Variants in ATP6V1E2 observed in about 807,000 individuals in gnomAD.
ATP6V1E2 encodes the protein V-type proton ATPase subunit E 2.
For missense variants in ATP6V1E2, 308 were observed against 273.3 expected, an observed-to-expected ratio of 1.13 and a Z score of -0.90; for synonymous variants, 121 against 104.2, an observed-to-expected ratio of 1.16 and a Z score of -0.98.
rs1368291765 is a variant in ATP6V1E2, at chr2:46,512,767, G to T, written c.-56C>A. On this transcript the variant is annotated 5_prime_UTR_variant, in exon 5 of 5. Transcript: ENST00000522587. ...AGCTCGTACACCGTTTGGCTCCTTTGACTTAGGACAATTTCAGGAGTGTCT... is the reference window on the plus strand; with the variant it reads ...AGCTCGTACACCGTTTGGCTCCTTTTACTTAGGACAATTTCAGGAGTGTCT... The T allele has an allele frequency of 6.8e-7, 1 of 1,461,602 alleles. No homozygotes were observed. Among genetic ancestry groups the T allele is most frequent in the South Asian group, 1.3e-5 (1 of 75,544 alleles). The allele number at this position is 1,461,602 out of a possible 1,614,324, so 90.5% of individuals were successfully genotyped here. A position where few individuals can be genotyped will look rare whatever the true frequency, so the allele number is the denominator to read the frequency against.
At chr2:46,536,550 G>C (rs1000773624) in intron 3 of ATP6V1E2, 61 bp downstream of exon 3, 2 of 152,338 alleles carry the variant, frequency 1.3e-5, no homozygotes, top group Non-Finnish European at 2.9e-5. Context: ...GTGGGAAGAA[G>C]CATAACATAA....
At position 46,535,006 on chromosome 2, in the gene ATP6V1E2, G is replaced by C. The variant is rs1019611937; in HGVS notation, c.-102+807C>G. The C allele has an allele frequency of 6.6e-6, 1 of 152,138 alleles. No homozygotes were observed. The highest frequency in any genetic ancestry group is 1.5e-5 in the Non-Finnish European group (1 of 68,046). The allele number at this position is 152,138 out of a possible 1,614,324, so 9.4% of individuals were successfully genotyped here. A position where few individuals can be genotyped will look rare whatever the true frequency, so the allele number is the denominator to read the frequency against. ...TTTGCTGTTATATTCTCTCCTTTCT[G>C]ATACTCTGCCTTGAAAAGTCTGCTC... On this transcript the variant is annotated intron_variant, in intron 4 of 4. Transcript: ENST00000522587. The surrounding 1 kb of genome is among the most constrained non-coding windows in gnomAD (Gnocchi z 4.4).
At chr2:46,536,921 T>G in intron 2 of ATP6V1E2, among the ~76,000 whole-genome samples, 1 of 152,156 alleles carries the variant, frequency 6.6e-6, no homozygotes, top group Non-Finnish European at 1.5e-5. Context: ...TAGCTGGGAT[T>G]ACAGGCACCC....
At chr2:46,532,486 T>A (rs748823618) in intron 4 of ATP6V1E2, among the ~76,000 whole-genome samples, 1 of 152,214 alleles carries the variant, frequency 6.6e-6, no homozygotes, top group Non-Finnish European at 1.5e-5. Context: ...ACCTTTGTTA[T>A]AGTTTGAATG....
At chr2:46,514,215 G>A (rs1423039996) in intron 4 of ATP6V1E2, among the ~76,000 whole-genome samples, 3 of 152,164 alleles carry the variant, frequency 2.0e-5, no homozygotes, top group Non-Finnish European at 4.4e-5. Context: ...AGGAGGTGGA[G>A]ATTCCAGTGA....
chr2:46,519,787 A>G (rs1441661245), intron 4 of ATP6V1E2: 1 of 152,128 alleles, frequency 6.6e-6, no homozygotes, highest in African/African-American at 2.4e-5. Context: ...TACTACTATT[A>G]TTGTCCTCGT....
intron 2 of ATP6V1E2, among the ~76,000 whole-genome samples, chr2:46,540,171 A>G (rs1226019020): frequency 6.6e-6 from 1 of 152,230 alleles, no homozygotes; most frequent in African/African-American, 2.4e-5. Flanking sequence ...CTGTAAGCCC[A>G]GAACTTTGGG....
chr2:46,539,186 T>A (rs983693598), intron 2 of ATP6V1E2, among the ~76,000 whole-genome samples: 11 of 152,240 alleles, frequency 7.2e-5, no homozygotes, highest in African/African-American at 2.4e-4. Flanking sequence ...TTTACAAGGT[T>A]GTTTGGGGGA....
At chr2:46,536,123 C>G (rs868521408) in intron 3 of ATP6V1E2, among the ~76,000 whole-genome samples, 196 bp from the exon 4 acceptor site, 6 of 152,106 alleles carry the variant, frequency 3.9e-5, no homozygotes, top group Non-Finnish European at 7.4e-5. Flanking sequence ...GTCTCCTGAC[C>G]TTAGGTTGCA....
At chr2:46,531,940 T>C (rs1278031065) in intron 4 of ATP6V1E2, among the ~76,000 whole-genome samples, 1 of 152,268 alleles carries the variant, frequency 6.6e-6, no homozygotes, top group East Asian at 1.9e-4. Flanking sequence ...TGCTAGAGTC[T>C]TATGAGCTAT....
intron 4 of ATP6V1E2, among the ~76,000 whole-genome samples, chr2:46,513,303 C>A (rs936342154): frequency 3.9e-5 from 6 of 152,082 alleles, no homozygotes; most frequent in African/African-American, 1.4e-4. Context: ...GAAAATGGCA[C>A]CTTGGAGAGA....
intron 4 of ATP6V1E2, among the ~76,000 whole-genome samples, chr2:46,526,534 T>C (rs1666930076): frequency 2.0e-4 from 31 of 152,208 alleles, no homozygotes; most frequent in Admixed American, 2.0e-3. Context: ...TAAACACTAA[T>C]CCCACATACT....
At chr2:46,527,705 T>C (rs183154105) in intron 4 of ATP6V1E2, among the ~76,000 whole-genome samples, 12 of 152,270 alleles carry the variant, frequency 7.9e-5, no homozygotes, top group African/African-American at 2.9e-4. Flanking sequence ...TTTTAAATAA[T>C]AGCCATCCTA....
rs192578549 is a variant in ATP6V1E2, at chr2:46,512,693, C to A, written c.19G>T (p.Asp7Tyr). 8 of 1,612,842 alleles carry A rather than the reference C, an allele frequency of 5.0e-6. No individual in the cohort carries two copies. In the East Asian group the frequency reaches 1.8e-4, roughly 36 times the overall value. The change falls in exon 5 of 5, where the codon GAT (aspartate) becomes TAT (tyrosine). Residue 7 changes from aspartate (D) to tyrosine (Y), a missense_variant. Transcript: ENST00000522587. ...ATGTGCTTAATCTGCTTTTTCACAT[C>A]GACATCACTCAGGGCCATGGCTGCT... MALSDV[D>Y]VKKQIKHMMA...
chr2:46,519,224 T>C (rs571137673), intron 4 of ATP6V1E2: 1 of 152,378 alleles, frequency 6.6e-6, no homozygotes, highest in South Asian at 2.1e-4. Flanking sequence ...TGGCACATGG[T>C]AGCCTTTAGC....
At chr2:46,541,567 T>C (rs1667773715) in intron 1 of ATP6V1E2, 114 bp from the exon 2 acceptor site, 1 of 152,204 alleles carries the variant, frequency 6.6e-6, no homozygotes, top group Admixed American at 6.5e-5. Context: ...CCTTTCTAGG[T>C]CTCAGTTTTC....
At chr2:46,515,760 A>C (rs1687685556) in intron 4 of ATP6V1E2, among the ~76,000 whole-genome samples, 1 of 152,212 alleles carries the variant, frequency 6.6e-6, no homozygotes, top group Non-Finnish European at 1.5e-5. Flanking sequence ...AATAAACAAG[A>C]TCTTACTATT....
chr2:46,523,452 A>G (rs1047387934), intron 4 of ATP6V1E2, among the ~76,000 whole-genome samples: 1 of 152,216 alleles, frequency 6.6e-6, no homozygotes, highest in African/African-American at 2.4e-5. Context: ...TTTTCTGCAT[A>G]TGGCTAGTCA....
chr2:46,513,806 A>G (rs1359600448), intron 4 of ATP6V1E2, among the ~76,000 whole-genome samples: 5 of 152,042 alleles, frequency 3.3e-5, no homozygotes, highest in Non-Finnish European at 7.4e-5. Context: ...GCCTGATGAC[A>G]CAGCAAGACT....
Sources: allele counts gnomAD v4.1 joint callset (sites outside exome capture counted in the v4.1 genomes callset), GRCh38; gene constraint gnomAD v4.1.1; non-coding constraint Gnocchi (gnomAD v3.1); transcripts MANE v1.5; gene names NCBI Gene and HGNC (gene_info 2026-07-23, HGNC 2026-07-21).